PIP4K2A: variants seen among roughly 807,000 people sequenced by gnomAD.
PIP4K2A encodes phosphatidylinositol 5-phosphate 4-kinase type-2 alpha.
Under a neutral mutation model 42.9 loss-of-function variants are expected in PIP4K2A, and 14 were observed. That is an observed-to-expected ratio of 0.33 (90% CI 0.22 to 0.51). The LOEUF (loss-of-function observed/expected upper bound fraction) is 0.51, where lower values mean the gene tolerates loss of function less well. Ranked by LOEUF, PIP4K2A falls within the 20% of genes least tolerant of loss-of-function variation. The pLI is 0.97. For missense variants in PIP4K2A, 434 were observed against 519.8 expected, an observed-to-expected ratio of 0.83 and a Z score of 1.61; for synonymous variants, 192 against 192.2, an observed-to-expected ratio of 1.00 and a Z score of 0.01.
intron 1 of PIP4K2A, among the ~76,000 whole-genome samples, chr10:22,696,721 G>C (rs879844841): frequency 8.6e-5 from 13 of 152,004 alleles, no homozygotes; most frequent in Non-Finnish European, 1.6e-4. Flanking sequence ...ATTCAGAATG[G>C]TCTGTTTTTG....
intron 4 of PIP4K2A, among the ~76,000 whole-genome samples, chr10:22,578,322 C>A (rs1837170563): frequency 6.6e-6 from 1 of 152,228 alleles, no homozygotes; most frequent in African/African-American, 2.4e-5. Flanking sequence ...GCAGCTCATC[C>A]TGCTCTGGAT....
At chr10:22,694,472 C>T (rs1375917693) in intron 1 of PIP4K2A, 3 of 152,224 alleles carry the variant, frequency 2.0e-5, no homozygotes, top group African/African-American at 7.2e-5. Context: ...TTGTACCATA[C>T]AGAGGTGTTC....
At chr10:22,695,568 T>C (rs1337590841) in intron 1 of PIP4K2A, among the ~76,000 whole-genome samples, 1 of 152,182 alleles carries the variant, frequency 6.6e-6, no homozygotes, top group African/African-American at 2.4e-5. Flanking sequence ...ATATTTTATT[T>C]CACAAACCAA....
At chr10:22,685,282 G>T (rs952247741) in intron 1 of PIP4K2A, among the ~76,000 whole-genome samples, 1 of 152,090 alleles carries the variant, frequency 6.6e-6, no homozygotes, top group Non-Finnish European at 1.5e-5. Flanking sequence ...TGGACATTTA[G>T]CATCAAGTCA....
intron 1 of PIP4K2A, among the ~76,000 whole-genome samples, chr10:22,654,512 G>A (rs1286152461): frequency 6.6e-6 from 1 of 152,218 alleles, no homozygotes. Flanking sequence ...AAGATTTCAG[G>A]ATCAAAAGGG....
chr10:22,644,519 G>A (rs865992659), intron 1 of PIP4K2A, among the ~76,000 whole-genome samples: 12 of 152,242 alleles, frequency 7.9e-5, no homozygotes, highest in Middle Eastern at 3.4e-3. Flanking sequence ...TGGCTAGTCC[G>A]TCAGGCTTCG....
At chr10:22,603,222 C>A (rs1020094942) in intron 3 of PIP4K2A, among the ~76,000 whole-genome samples, 6 of 152,086 alleles carry the variant, frequency 3.9e-5, no homozygotes, top group Admixed American at 6.5e-5. Context: ...TCAGGAGTCA[C>A]AGTAGGGGAA....
intron 6 of PIP4K2A, among the ~76,000 whole-genome samples, chr10:22,559,749 C>A (rs1332826639): frequency 6.6e-6 from 1 of 152,208 alleles, no homozygotes. Flanking sequence ...GTGGGGCCGA[C>A]TGCTGAACCA....
chr10:22,649,153 T>C (rs1453238936), intron 1 of PIP4K2A, among the ~76,000 whole-genome samples: 1 of 152,260 alleles, frequency 6.6e-6, no homozygotes, highest in Non-Finnish European at 1.5e-5. Flanking sequence ...ATTTGTTTAA[T>C]GGATTCTCTA....
At chr10:22,562,189 G>A (rs1017040823) in intron 6 of PIP4K2A, among the ~76,000 whole-genome samples, 1 of 152,082 alleles carries the variant, frequency 6.6e-6, no homozygotes, top group African/African-American at 2.4e-5. Context: ...AAACCCAAAG[G>A]ATGGCAGAAA....
intron 1 of PIP4K2A, among the ~76,000 whole-genome samples, chr10:22,672,311 G>T (rs1405748484): frequency 6.6e-6 from 1 of 152,086 alleles, no homozygotes; most frequent in Non-Finnish European, 1.5e-5. Flanking sequence ...GGAGGCGGAT[G>T]AGATTAAAAA....
At chr10:22,586,084 C>A (rs112713547) in intron 4 of PIP4K2A, among the ~76,000 whole-genome samples, 2 of 152,152 alleles carry the variant, frequency 1.3e-5, no homozygotes, top group Non-Finnish European at 2.9e-5. Context: ...AACTGATAAT[C>A]ATCATTTATA....
At chr10:22,579,823 C>T (rs1449407572) in intron 4 of PIP4K2A, among the ~76,000 whole-genome samples, 1 of 151,636 alleles carries the variant, frequency 6.6e-6, no homozygotes, top group African/African-American at 2.4e-5. Context: ...GCAGGAGAAT[C>T]GCCTGAACCC....
At chr10:22,660,611 C>T (rs964816475) in intron 1 of PIP4K2A, among the ~76,000 whole-genome samples, 21 of 152,064 alleles carry the variant, frequency 1.4e-4, no homozygotes, top group Admixed American at 1.4e-3. Flanking sequence ...ATACCAAGCA[C>T]AGCCCTATCT....
chr10:22,576,917 T>C (rs1837136999), intron 4 of PIP4K2A, among the ~76,000 whole-genome samples: 1 of 151,658 alleles, frequency 6.6e-6, no homozygotes, highest in Admixed American at 6.6e-5. Context: ...CTGCTAAAAA[T>C]ACAAAAATTA....
intron 1 of PIP4K2A, among the ~76,000 whole-genome samples, chr10:22,674,545 G>T (rs1052718140): frequency 6.6e-6 from 1 of 151,942 alleles, no homozygotes; most frequent in African/African-American, 2.4e-5. Flanking sequence ...CACTATGTTA[G>T]GTGTAGTTCT....
intron 4 of PIP4K2A, among the ~76,000 whole-genome samples, chr10:22,584,169 T>C (rs1291612061): frequency 6.6e-6 from 1 of 151,952 alleles, no homozygotes; most frequent in Non-Finnish European, 1.5e-5. Flanking sequence ...CTCTCAGGAG[T>C]AAGTTTTGAA....
chr10:22,643,150 C>T (rs77842842), intron 1 of PIP4K2A, among the ~76,000 whole-genome samples: 216 of 152,254 alleles, frequency 1.4e-3, no homozygotes, highest in African/African-American at 5.1e-3. Context: ...GTTTTCCCAA[C>T]TCCAAGTCTC....
intron 6 of PIP4K2A, among the ~76,000 whole-genome samples, chr10:22,552,225 G>A (rs573309519): frequency 2.0e-5 from 3 of 152,252 alleles, no homozygotes; most frequent in South Asian, 2.1e-4. Context: ...TTGTAATCTC[G>A]TACGGGAGAA....
Sources: gnomAD v4.1 joint callset for allele counts (sites outside exome capture counted in the v4.1 genomes callset) on GRCh38, gnomAD v4.1.1 for gene constraint, MANE v1.5 for transcripts, NCBI Gene and HGNC (gene_info 2026-07-23, HGNC 2026-07-21) for gene names.